Variants in CDKAL1 observed in about 807,000 individuals in gnomAD.
CDKAL1 encodes CDKAL1 threonylcarbamoyladenosine tRNA methylthiotransferase, also known as threonylcarbamoyladenosine tRNA methylthiotransferase.
Under a neutral mutation model 68.2 loss-of-function variants are expected in CDKAL1, and 32 were observed. The observed-to-expected ratio is 0.47, with a 90% confidence interval of 0.35 to 0.63. The LOEUF is 0.63. Ranked by LOEUF, CDKAL1 falls within the 30% of genes least tolerant of loss-of-function variation. The probability of loss-of-function intolerance (pLI) is 0.00; values close to 1 mark genes in which losing one functional copy is unlikely to be tolerated. For missense variants in CDKAL1, 606 were observed against 696.7 expected, an observed-to-expected ratio of 0.87 and a Z score of 1.47; for synonymous variants, 234 against 244.3, an observed-to-expected ratio of 0.96 and a Z score of 0.39.
At chr6:20,579,028 A>C (rs566977234) in intron 4 of CDKAL1, among the ~76,000 whole-genome samples, 1 of 152,176 alleles carries the variant, frequency 6.6e-6, no homozygotes, top group African/African-American at 2.4e-5. Flanking sequence ...CCCAGGCTGG[A>C]GTGCAGCAGC....
At chr6:20,536,074 G>A (rs1401353692) in intron 2 of CDKAL1, among the ~76,000 whole-genome samples, 1 of 150,552 alleles carries the variant, frequency 6.6e-6, no homozygotes, top group Non-Finnish European at 1.5e-5. Flanking sequence ...GACTACAGGT[G>A]CATGCCACCA....
intron 9 of CDKAL1, among the ~76,000 whole-genome samples, chr6:20,849,507 C>T (rs972962433): frequency 1.3e-5 from 2 of 150,078 alleles, no homozygotes; most frequent in Admixed American, 6.7e-5. Context: ...GGCGTGAACC[C>T]GGGAGGCGGA....
intron 12 of CDKAL1, among the ~76,000 whole-genome samples, chr6:21,082,643 C>T (rs1435164401): frequency 6.6e-6 from 1 of 151,942 alleles, no homozygotes; most frequent in Non-Finnish European, 1.5e-5. Flanking sequence ...GTTTATAGGC[C>T]TTAGAAAATT....
intron 9 of CDKAL1, among the ~76,000 whole-genome samples, chr6:20,950,807 A>G (rs1581898176): frequency 1.3e-5 from 2 of 152,082 alleles, no homozygotes; most frequent in Non-Finnish European, 2.9e-5. Flanking sequence ...TTTACTAAAA[A>G]TACAAAACTT....
intron 9 of CDKAL1, among the ~76,000 whole-genome samples, chr6:20,847,273 A>G (rs1211217480): frequency 6.6e-6 from 1 of 152,178 alleles, no homozygotes; most frequent in Non-Finnish European, 1.5e-5. Flanking sequence ...CAGCCAGATT[A>G]TTGTCTAATC....
At chr6:20,790,825 G>T (rs976093174) in intron 8 of CDKAL1, among the ~76,000 whole-genome samples, 31 of 152,162 alleles carry the variant, frequency 2.0e-4, no homozygotes, top group Non-Finnish European at 4.1e-4. Flanking sequence ...TGTGTGTCTG[G>T]GTCTGGGGCT....
intron 9 of CDKAL1, among the ~76,000 whole-genome samples, chr6:20,916,106 G>C (rs149271916): frequency 1.3e-3 from 193 of 152,286 alleles, no homozygotes; most frequent in African/African-American, 4.2e-3. Flanking sequence ...TGTGCCGACT[G>C]TAGTAATAGT....
At chr6:20,797,419 T>G (rs1007615152) in intron 8 of CDKAL1, among the ~76,000 whole-genome samples, 1 of 152,322 alleles carries the variant, frequency 6.6e-6, no homozygotes, top group South Asian at 2.1e-4. Context: ...GTACAGCCAT[T>G]TGGAGAATGA....
At chr6:20,801,345 T>C (rs1362219909) in intron 8 of CDKAL1, among the ~76,000 whole-genome samples, 1 of 152,216 alleles carries the variant, frequency 6.6e-6, no homozygotes, top group East Asian at 1.9e-4. Context: ...TTTCCCAAAA[T>C]TTTATTATGA....
chr6:20,758,661 G>A lies in CDKAL1; in HGVS notation c.517+18G>A, dbSNP rs1377897142. ...AATTAAAGGTAATCGTTGAAAGTGA[G>A]ATAAACAGATGTATATATTTTCTGA... On this transcript the variant is annotated intron_variant, in intron 7 of 15. Coordinates refer to ENST00000274695, the MANE Select transcript of CDKAL1 (RefSeq NM_017774.3). The A allele has an allele frequency of 1.9e-6, 3 of 1,587,916 alleles. No individual in the cohort carries two copies. The highest frequency in any genetic ancestry group is 2.2e-5 in the East Asian group (1 of 44,636).
chr6:21,039,917 G>T (rs1769823425), intron 11 of CDKAL1, among the ~76,000 whole-genome samples: 1 of 152,174 alleles, frequency 6.6e-6, no homozygotes, highest in Admixed American at 6.5e-5. Context: ...TGAAAAATTA[G>T]TGTAGTTTCA....
intron 9 of CDKAL1, among the ~76,000 whole-genome samples, chr6:20,937,207 GCT>G (rs1428944995): frequency 6.6e-6 from 1 of 151,954 alleles, no homozygotes; most frequent in East Asian, 1.9e-4. Context: ...TCCTACTTCA[GCT>G]CCTGGGCTGG....
intron 1 of CDKAL1, chr6:20,534,964 T>C (rs1561906254): frequency 6.6e-6 from 1 of 152,232 alleles, no homozygotes; most frequent in East Asian, 1.9e-4. Flanking sequence ...GTGTCTTGCT[T>C]TTTCACTTTT....
chr6:21,218,743 T>C (rs1038811418), intron 15 of CDKAL1, among the ~76,000 whole-genome samples: 4 of 151,976 alleles, frequency 2.6e-5, no homozygotes, highest in African/African-American at 9.7e-5. Context: ...GAGAGAGAGA[T>C]GGAAGCTACA....
intron 10 of CDKAL1, among the ~76,000 whole-genome samples, chr6:20,964,645 C>T (rs1372258602): frequency 6.6e-6 from 1 of 152,044 alleles, no homozygotes; most frequent in Admixed American, 6.6e-5. Flanking sequence ...TGGGGCCTGT[C>T]ACTGGGGCCA....
chr6:21,145,377 T>C (rs1385100226), intron 13 of CDKAL1, among the ~76,000 whole-genome samples: 2 of 152,004 alleles, frequency 1.3e-5, no homozygotes, highest in Admixed American at 1.3e-4. Context: ...AACAGTATTA[T>C]GAGAAAAGAT....
chr6:21,115,505 G>A (rs999028223), intron 13 of CDKAL1, among the ~76,000 whole-genome samples: 2 of 152,202 alleles, frequency 1.3e-5, no homozygotes, highest in Non-Finnish European at 2.9e-5. Flanking sequence ...TATTGATTTG[G>A]CATGTTTATG....
intron 11 of CDKAL1, among the ~76,000 whole-genome samples, chr6:21,024,919 C>G (rs1160049612): frequency 6.6e-6 from 1 of 152,190 alleles, no homozygotes; most frequent in African/African-American, 2.4e-5. Context: ...TTTAGACCAG[C>G]TAGAGGAATT....
At chr6:21,064,394 A>G (rs73735620) in intron 11 of CDKAL1, among the ~76,000 whole-genome samples, 3,365 of 152,314 alleles carry the variant, frequency 0.022, 128 homozygotes, top group African/African-American at 0.074. Flanking sequence ...AAGGAGTGGC[A>G]TTTCCAGAAA....
Sources: gnomAD v4.1 joint callset for allele counts (sites outside exome capture counted in the v4.1 genomes callset) on GRCh38, gnomAD v4.1.1 for gene constraint, MANE v1.5 for transcripts, NCBI Gene and HGNC (gene_info 2026-07-23, HGNC 2026-07-21) for gene names.